Variants in FBH1 observed in about 807,000 individuals in gnomAD.
FBH1 encodes DNA 3'-5' helicase 1.
Under a neutral mutation model 115.5 loss-of-function variants are expected in FBH1, and 43 were observed. That is an observed-to-expected ratio of 0.37 (90% CI 0.29 to 0.48). The LOEUF (loss-of-function observed/expected upper bound fraction) is 0.48, where lower values mean the gene tolerates loss of function less well. Among genes scored for constraint, FBH1 ranks in the 20% least tolerant of loss-of-function variants. FBH1 has a pLI of 0.99. For synonymous variants in FBH1, 524 were observed against 507.8 expected (o/e 1.03, Z -0.43); for missense variants, 1,001 against 1,337.3 (o/e 0.75, Z 3.92).
At chr10:5,890,126 G>A (rs1039909474), upstream of FBH1, 3 of 323,764 alleles carry the variant, frequency 9.3e-6, no homozygotes, top group East Asian at 4.7e-5. Flanking sequence ...CGCCCCCTCC[G>A]GTCTCGCGTC....
Position 5,932,554 on chromosome 10 carries a change from C to T in FBH1, c.2830-3902C>T, listed in dbSNP as rs992087805. Reference sequence around the variant, plus strand: ...CGCACTGTGATTTATGCCGTTCTCGCTCATGGACGTGGTCACTTCCAGCCT... The same window carrying T: ...CGCACTGTGATTTATGCCGTTCTCGTTCATGGACGTGGTCACTTCCAGCCT... On this transcript the variant is annotated intron_variant, in intron 19 of 20. Transcript: ENST00000362091. This position sits in a 1 kb window ranked among gnomAD's most constrained non-coding sequence, Gnocchi z 5.9. Among the ~76,000 whole-genome samples, 8 of 152,222 alleles carry T rather than the reference C, an allele frequency of 5.3e-5. No homozygotes were observed. Among genetic ancestry groups the T allele is most frequent in the African/African-American group, 1.9e-4 (8 of 41,448 alleles).
At chr10:5,926,095 A>ATTC (rs758466973) in intron 18 of FBH1, among the ~76,000 whole-genome samples, 7,043 of 130,392 alleles carry the variant, frequency 0.054, 232 homozygotes, top group East Asian at 0.24. Flanking sequence ...TGTTGTTGTT[A>ATTC]TTATTATTCT....
Position 5,913,742 on chromosome 10 carries a change from G to T in FBH1, c.1212-5G>T. 1 of 1,533,904 alleles carries T rather than the reference G, an allele frequency of 6.5e-7. No homozygotes were observed. Among genetic ancestry groups the T allele is most frequent in the Non-Finnish European group, 8.7e-7 (1 of 1,148,508 alleles). ...ACTTTCTAAATCTACTTTTTTTTCTGGTAGGATTCACTACAACATTTTCTA... is the reference window on the plus strand; with the variant it reads ...ACTTTCTAAATCTACTTTTTTTTCTTGTAGGATTCACTACAACATTTTCTA... On this transcript the variant is annotated splice_region_variant and splice_polypyrimidine_tract_variant and intron_variant, in intron 6 of 20. Coordinates refer to ENST00000362091, the MANE Select transcript of FBH1 (RefSeq NM_178150.3). This position sits in a 1 kb window ranked among gnomAD's most constrained non-coding sequence, Gnocchi z 4.4.
In FBH1 at chr10:5,911,144, G is replaced by T; in HGVS notation, c.1211+16G>T. ...TCAGCAATAGGTAATGCCCCGGGAG[G>T]AGGGGAGGGGATGCTGTGATAATGG... On this transcript the variant is annotated intron_variant, in intron 6 of 20. Transcript: ENST00000362091. This position sits in a 1 kb window ranked among gnomAD's most constrained non-coding sequence, Gnocchi z 5.4. 2 of 1,600,476 alleles carry T rather than the reference G, an allele frequency of 1.2e-6. No homozygotes were observed. The highest frequency in any genetic ancestry group is 1.7e-6 in the Non-Finnish European group (2 of 1,172,286).
At position 5,902,784 on chromosome 10, in the gene FBH1, GA is replaced by G. The variant is rs564510333; in HGVS notation, c.2-227del. Among the ~76,000 whole-genome samples the G allele has an allele frequency of 4.7e-3, 702 of 147,914 alleles. 6 individuals are homozygous for G. The highest frequency in any genetic ancestry group is 0.016 in the African/African-American group (654 of 40,224). ...CCAAGTCTTCTAGAAAGTATAAGTA[GA>G]AAAAAAAACTTAAGATCTTAAAATG... is the stretch of plus-strand genomic sequence containing the variant. On this transcript the variant is annotated intron_variant, in intron 1 of 20. Coordinates refer to ENST00000362091, the MANE Select transcript of FBH1 (RefSeq NM_178150.3).
intron 1 of FBH1, chr10:5,894,512 G>T (rs1337494132): frequency 1.1e-6 from 1 of 940,292 alleles, no homozygotes; most frequent in Non-Finnish European, 1.8e-6. Flanking sequence ...GTGACTTCAG[G>T]CAAGTCCTCT....
At chr10:5,907,782 G>A (rs1463524359) in intron 3 of FBH1, among the ~76,000 whole-genome samples, 1 of 152,150 alleles carries the variant, frequency 6.6e-6, no homozygotes, top group Non-Finnish European at 1.5e-5. Context: ...GCAAGGGTAT[G>A]TTGTTTAATA....
intron 1 of FBH1, among the ~76,000 whole-genome samples, chr10:5,892,734 A>G (rs1185230753): frequency 1.3e-5 from 2 of 152,258 alleles, no homozygotes; most frequent in Non-Finnish European, 1.5e-5. Context: ...ATTCCTTAAC[A>G]TGGTTAATGA....
At chr10:5,926,316 G>C (rs1832651013) in intron 18 of FBH1, among the ~76,000 whole-genome samples, 1 of 152,108 alleles carries the variant, frequency 6.6e-6, no homozygotes, top group African/African-American at 2.4e-5. Flanking sequence ...GTTTCGCCAT[G>C]TTGGCCAGTC....
chr10:5,937,367 G>C lies in FBH1; in HGVS notation c.*87G>C. On this transcript the variant is annotated 3_prime_UTR_variant, in exon 21 of 21. Transcript: ENST00000362091. Reference sequence around the variant, plus strand: ...CCAGCGAGGGGGGCTTCTGCTCCCTGAGACTCTGGGTTCACCCACAGCACT... The same window carrying C: ...CCAGCGAGGGGGGCTTCTGCTCCCTCAGACTCTGGGTTCACCCACAGCACT... 1 of 1,364,190 alleles carries C rather than the reference G, an allele frequency of 7.3e-7. No individual in the cohort carries two copies. The highest frequency in any genetic ancestry group is 9.6e-7 in the Non-Finnish European group (1 of 1,038,882). 84.5% of individuals were successfully genotyped at this position (1,364,190 alleles called of 1,614,324 possible).
In FBH1 at chr10:5,916,379, C is replaced by T; in HGVS notation, c.1711C>T (p.Leu571=). 1 of 1,614,244 alleles carries T rather than the reference C, an allele frequency of 6.2e-7. No homozygotes were observed. The change falls in exon 10 of 21, where the codon CTG becomes TTG. Residue 571 remains leucine (L), a synonymous_variant. Transcript: ENST00000362091. ...ENFFASADEE[L]TIDHVPIWCK... is the part of the protein sequence containing the mutation. ...CTTCTTTGCCTCGGCTGACGAAGAG[C>T]TGACCATTGATCACGTGCCTATTTG... is the stretch of plus-strand genomic sequence containing the variant.
chr10:5,901,516 C>A (rs1180013541), intron 1 of FBH1, among the ~76,000 whole-genome samples: 1 of 150,638 alleles, frequency 6.6e-6, no homozygotes. Flanking sequence ...TGATTTTATT[C>A]TCTTTTGACC....
intron 13 of FBH1, among the ~76,000 whole-genome samples, chr10:5,919,843 AAC>A (rs1832211494): frequency 1.3e-5 from 2 of 152,146 alleles, no homozygotes; most frequent in Non-Finnish European, 2.9e-5. Context: ...ATTTTTTTAG[AAC>A]AGTTTCAGAT....
rs1832321373 is a variant in FBH1 at position 5,921,629 on chromosome 10, A to G, written c.2322+60A>G. 6.4e-7 allele frequency: 1 copy of G among 1,567,490 alleles called. No homozygotes were observed. Among genetic ancestry groups the G allele is most frequent in the Admixed American group, 2.3e-5 (1 of 44,150 alleles). The stretch of plus-strand genomic sequence containing the variant: ...AGAAACGTTGTAGACGAACATACCC[A>G]ATGGAAATGTTCACCTTCCTTGGGA... On this transcript the variant is annotated intron_variant, in intron 15 of 20. Coordinates refer to ENST00000362091, the MANE Select transcript of FBH1 (RefSeq NM_178150.3). The surrounding 1 kb of genome is among the most constrained non-coding windows in gnomAD (Gnocchi z 6.4).
chr10:5,920,348 G>A (rs1444538241), intron 13 of FBH1, among the ~76,000 whole-genome samples: 1 of 152,216 alleles, frequency 6.6e-6, no homozygotes, highest in Non-Finnish European at 1.5e-5. Context: ...CCACCTGGCT[G>A]ATGTAGTGTT....
In FBH1 at chr10:5,895,165, G is replaced by A. The variant is rs1302335166; in HGVS notation, c.1+4819G>A. 1 of 1,613,652 alleles carries A rather than the reference G, an allele frequency of 6.2e-7. No individual in the cohort carries two copies. Among genetic ancestry groups the A allele is most frequent in the Non-Finnish European group, 8.5e-7 (1 of 1,179,768 alleles). The stretch of plus-strand genomic sequence containing the variant: ...GCCAGAGGACGAGTGCCCACTTGCT[G>A]GTCTTCACAGAGCACGCTGAAAGTA... On this transcript the variant is annotated intron_variant, in intron 1 of 20. Coordinates refer to ENST00000362091, the MANE Select transcript of FBH1 (RefSeq NM_178150.3). The surrounding 1 kb of genome is among the most constrained non-coding windows in gnomAD (Gnocchi z 5.0).
chr10:5,922,523 C>G (rs762408803), intron 15 of FBH1, among the ~76,000 whole-genome samples: 3 of 152,210 alleles, frequency 2.0e-5, no homozygotes, highest in Non-Finnish European at 4.4e-5. Context: ...ATCATACACA[C>G]TGGCATGATA....
chr10:5,908,923 A>G lies in FBH1; in HGVS notation c.754-2A>G. On this transcript the variant is annotated splice_acceptor_variant, in intron 3 of 20. Coordinates refer to ENST00000362091, the MANE Select transcript of FBH1 (RefSeq NM_178150.3). LOFTEE classifies it high-confidence loss of function. ...TATTTTGTTTGTTTTTTAACTGCAT[A>G]GTTCATTCCTTGGAAGAAGCTGTAC... The G allele has an allele frequency of 6.2e-7, 1 of 1,613,956 alleles. No individual in the cohort carries two copies. The highest frequency in any genetic ancestry group is 8.5e-7 in the Non-Finnish European group (1 of 1,180,014).
chr10:5,936,423 C>T lies in FBH1; in HGVS notation c.2830-33C>T, dbSNP rs777632777. ...CCAGTAGACCCTAACGGAGGTGTCG[C>T]CATGACTCTCTTTCTCGCTCTTTCT... On this transcript the variant is annotated intron_variant, in intron 19 of 20. Transcript: ENST00000362091. This position sits in a 1 kb window ranked among gnomAD's most constrained non-coding sequence, Gnocchi z 5.6. The T allele has an allele frequency of 2.5e-5, 41 of 1,608,896 alleles. 1 individual carries two copies. The South Asian group carries it at 4.2e-4, about 16-fold the overall frequency.
Sources: allele counts gnomAD v4.1 joint callset (sites outside exome capture counted in the v4.1 genomes callset), GRCh38; gene constraint gnomAD v4.1.1; non-coding constraint Gnocchi (gnomAD v3.1); transcripts MANE v1.5; gene names NCBI Gene and HGNC (gene_info 2026-07-23, HGNC 2026-07-21).